ZFHX3: variants seen among roughly 807,000 people sequenced by gnomAD.
The protein encoded by ZFHX3 is zinc finger homeobox protein 3.
In ZFHX3, 42 loss-of-function variants were observed where a neutral mutation model predicts 279.1. The observed-to-expected ratio is 0.15, with a 90% CI of 0.12 to 0.19. The LOEUF (loss-of-function observed/expected upper bound fraction) is 0.19. Ranked by LOEUF, ZFHX3 falls within the 10% of genes least tolerant of loss-of-function variation. ZFHX3 has a pLI of 1.00. For synonymous variants in ZFHX3, 2,293 were observed against 1,957.8 expected, an observed-to-expected ratio of 1.17 and a Z score of -4.52; for missense variants, 4,981 against 4,754.0, an observed-to-expected ratio of 1.05 and a Z score of -1.40.
At chr16:73,547,180 C>T (rs767126772) in intron 2 of ZFHX3, among the ~76,000 whole-genome samples, 2 of 152,080 alleles carry the variant, frequency 1.3e-5, no homozygotes, top group Non-Finnish European at 2.9e-5. Context: ...AGCTAGGGTA[C>T]ATGCCCCATT....
chr16:72,891,180 TTATCATTGGCCAA>T (rs1221061625), intron 3 of ZFHX3, among the ~76,000 whole-genome samples: 1 of 152,220 alleles, frequency 6.6e-6, no homozygotes, highest in East Asian at 1.9e-4. Context: ...GTCCCCTGGC[TTATCATTGGCCAA>T]TATCATTGGT....
intron 1 of ZFHX3, among the ~76,000 whole-genome samples, chr16:72,967,760 C>CAAAA (rs1201182514): frequency 0.012 from 1,019 of 81,584 alleles, 8 homozygotes; most frequent in African/African-American, 0.037. Context: ...ACTAAAAATA[C>CAAAA]AAAAAAAAAA....
chr16:73,469,629 T>TA (rs57481358), intron 2 of ZFHX3, among the ~76,000 whole-genome samples: 2,018 of 148,906 alleles, frequency 0.014, 44 homozygotes, highest in African/African-American at 0.048. Flanking sequence ...ATATATATAT[T>TA]TTTTTTGAGA....
At chr16:73,231,577 G>C (rs545877475) in intron 5 of ZFHX3, among the ~76,000 whole-genome samples, 3 of 152,294 alleles carry the variant, frequency 2.0e-5, no homozygotes, top group East Asian at 1.9e-4. Context: ...TTTTCCTCCA[G>C]GGATCAATAG....
At chr16:73,646,045 A>C (rs1424214824) in intron 2 of ZFHX3, among the ~76,000 whole-genome samples, 1 of 152,202 alleles carries the variant, frequency 6.6e-6, no homozygotes. Flanking sequence ...GAAATTTTGA[A>C]ATGTGTTTCA....
intron 1 of ZFHX3, among the ~76,000 whole-genome samples, chr16:73,815,266 A>T (rs925764030): frequency 3.9e-5 from 6 of 152,200 alleles, no homozygotes; most frequent in Non-Finnish European, 7.3e-5. Flanking sequence ...CACACTTCCA[A>T]ACAGAGTAGG....
intron 4 of ZFHX3, among the ~76,000 whole-genome samples, chr16:73,278,069 T>C (rs371908483): frequency 2.0e-5 from 3 of 152,160 alleles, no homozygotes; most frequent in African/African-American, 7.2e-5. Flanking sequence ...TGAAATTCAG[T>C]GAGGACACAG....
chr16:73,791,756 C>T (rs553535521), intron 1 of ZFHX3, among the ~76,000 whole-genome samples: 2 of 152,340 alleles, frequency 1.3e-5, no homozygotes, highest in African/African-American at 4.8e-5. Context: ...TCCCGGATAA[C>T]GCTAATGTTG....
chr16:73,375,999 G>A (rs1439007034), intron 3 of ZFHX3, among the ~76,000 whole-genome samples: 3 of 152,210 alleles, frequency 2.0e-5, no homozygotes, highest in East Asian at 1.9e-4. Context: ...TTATACCTCT[G>A]TAAATATTTA....
chr16:73,203,026 C>G (rs1312495825), intron 5 of ZFHX3, among the ~76,000 whole-genome samples: 1 of 150,224 alleles, frequency 6.7e-6, no homozygotes, highest in Non-Finnish European at 1.5e-5. Flanking sequence ...TTAGCTGAAG[C>G]ATCACCTCCT....
At chr16:73,878,199 T>A (rs1379142477) in intron 1 of ZFHX3, among the ~76,000 whole-genome samples, 1 of 152,124 alleles carries the variant, frequency 6.6e-6, no homozygotes, top group African/African-American at 2.4e-5. Context: ...GTGCTATTAT[T>A]TTTAGGTTTA....
intron 1 of ZFHX3, among the ~76,000 whole-genome samples, chr16:73,687,344 C>T (rs1466893444): frequency 6.6e-6 from 1 of 150,732 alleles, no homozygotes; most frequent in Non-Finnish European, 1.5e-5. Flanking sequence ...GTGAGCACCA[C>T]CGCACACCAG....
chr16:73,484,422 G>A (rs1038753704), intron 2 of ZFHX3, among the ~76,000 whole-genome samples: 3 of 152,086 alleles, frequency 2.0e-5, no homozygotes, highest in East Asian at 1.9e-4. Flanking sequence ...GCAGACTTTC[G>A]CCCTTGGCAT....
rs765222895 is a variant in ZFHX3 at position 72,788,112 on chromosome 16, C to T, written c.10164G>A (p.Gln3388=). 3 of 1,598,386 alleles carry T rather than the reference C, an allele frequency of 1.9e-6. No homozygotes were observed. The highest frequency in any genetic ancestry group is 3.4e-5 in the Admixed American group (2 of 59,114). The change falls in exon 10 of 10, where the codon CAG becomes CAA. Residue 3388 remains glutamine, a synonymous_variant. Transcript: ENST00000268489. ...QQQRQLQQQQ[Q]QKVQQQQPKA... is the part of the protein sequence containing the mutation. Reference sequence around the variant, plus strand: ...TGGGCTGCTGCTGCTGCACTTTTTGCTGCTGCTGCTGCTGTAGTTGCCGCT... The same window carrying T: ...TGGGCTGCTGCTGCTGCACTTTTTGTTGCTGCTGCTGCTGTAGTTGCCGCT...
At chr16:72,918,167 G>GTCCCA (rs2039489374) in intron 3 of ZFHX3, among the ~76,000 whole-genome samples, 1 of 152,110 alleles carries the variant, frequency 6.6e-6, no homozygotes, top group Non-Finnish European at 1.5e-5. Flanking sequence ...AAAAGACCAC[G>GTCCCA]TCCCATCAAA....
intron 8 of ZFHX3, among the ~76,000 whole-genome samples, chr16:73,091,242 A>T (rs1966077182): frequency 6.6e-6 from 1 of 151,994 alleles, no homozygotes. Flanking sequence ...GGGGAAAAAA[A>T]AAAAAGCAGT....
intron 7 of ZFHX3, among the ~76,000 whole-genome samples, chr16:72,802,403 T>A (rs573279182): frequency 6.6e-6 from 1 of 152,280 alleles, no homozygotes; most frequent in East Asian, 1.9e-4. Context: ...TTCCATCAAT[T>A]AACTCTCCCC....
At chr16:72,839,140 C>A (rs1051883023) in intron 4 of ZFHX3, among the ~76,000 whole-genome samples, 6 of 152,044 alleles carry the variant, frequency 3.9e-5, no homozygotes, top group Admixed American at 1.3e-4. Flanking sequence ...TGTAGCAGAG[C>A]GTGATGTGAT....
chr16:73,004,610 C>A (rs1597080254), intron 1 of ZFHX3, among the ~76,000 whole-genome samples: 1 of 152,164 alleles, frequency 6.6e-6, no homozygotes, highest in East Asian at 1.9e-4. Flanking sequence ...CTGCACCTGG[C>A]TGTTTCATTC....
Sources: gnomAD v4.1 joint callset for allele counts (sites outside exome capture counted in the v4.1 genomes callset) on GRCh38, gnomAD v4.1.1 for gene constraint, MANE v1.5 for transcripts, NCBI Gene and HGNC (gene_info 2026-07-23, HGNC 2026-07-21) for gene names.